RNF111: variants seen among roughly 807,000 people sequenced by gnomAD.
RNF111 encodes the protein E3 ubiquitin-protein ligase Arkadia.
Under a neutral mutation model 95.1 loss-of-function variants are expected in RNF111, and 17 were observed. The ratio of observed to expected loss-of-function variants is 0.18; its 90% CI spans 0.12 to 0.27. The LOEUF is 0.27. Ranked by LOEUF, RNF111 falls within the 10% of genes least tolerant of loss-of-function variation. The pLI, the probability that RNF111 is intolerant of heterozygous loss-of-function variation, is 1.00. For synonymous variants in RNF111, 440 were observed against 414.8 expected (o/e 1.06, Z -0.74); for missense variants, 1,189 against 1,210.4 (o/e 0.98, Z 0.26).
intron 2 of RNF111, among the ~76,000 whole-genome samples, chr15:59,042,609 C>T (rs8041221): frequency 0.43 from 64,978 of 151,902 alleles, 14,842 homozygotes; most frequent in African/African-American, 0.59. Flanking sequence ...TTTATCCTTA[C>T]GTATAATAGG....
chr15:59,005,775 C>G (rs2141484087), intron 1 of RNF111, among the ~76,000 whole-genome samples: 1 of 152,322 alleles, frequency 6.6e-6, no homozygotes, highest in South Asian at 2.1e-4. Flanking sequence ...TTTCTAAAAA[C>G]TAGCTGACTC....
At chr15:59,003,532 G>A (rs2039416003) in intron 1 of RNF111, among the ~76,000 whole-genome samples, 1 of 151,992 alleles carries the variant, frequency 6.6e-6, no homozygotes, top group African/African-American at 2.4e-5. Flanking sequence ...TCCAGTAGCT[G>A]GGACTACAGG....
At chr15:59,046,412 C>T (rs372178063) in intron 2 of RNF111, among the ~76,000 whole-genome samples, 43 of 152,158 alleles carry the variant, frequency 2.8e-4, no homozygotes, top group African/African-American at 9.2e-4. Flanking sequence ...AGGCTGGTCT[C>T]GCACTCCTGG....
intron 2 of RNF111, among the ~76,000 whole-genome samples, chr15:59,045,850 A>G (rs2141903069): frequency 6.6e-6 from 1 of 152,320 alleles, no homozygotes; most frequent in African/African-American, 2.4e-5. Context: ...CAAGAGTTGG[A>G]AAATAATTTG....
chr15:59,065,283 A>G (rs1264095048), intron 5 of RNF111, among the ~76,000 whole-genome samples: 2 of 152,186 alleles, frequency 1.3e-5, no homozygotes, highest in East Asian at 3.9e-4. Context: ...TTTCCATATA[A>G]TATTTAGTTT....
At chr15:59,042,604 C>G (rs1343303408) in intron 2 of RNF111, among the ~76,000 whole-genome samples, 1 of 152,106 alleles carries the variant, frequency 6.6e-6, no homozygotes, top group Non-Finnish European at 1.5e-5. Context: ...TGGTGTTTAT[C>G]CTTACGTATA....
intron 1 of RNF111, among the ~76,000 whole-genome samples, chr15:59,011,153 T>G (rs1483027157): frequency 6.6e-6 from 1 of 152,216 alleles, no homozygotes; most frequent in Non-Finnish European, 1.5e-5. Context: ...AACTCTGCCA[T>G]GAGAAATAGG....
intron 1 of RNF111, among the ~76,000 whole-genome samples, chr15:58,999,752 A>G (rs866679708): frequency 1.3e-5 from 2 of 152,178 alleles, no homozygotes; most frequent in African/African-American, 4.8e-5. Flanking sequence ...TGGGTAATTT[A>G]TAAAGAAAAG....
chr15:59,069,075 A>C (rs79360144), intron 6 of RNF111, among the ~76,000 whole-genome samples: 1 of 71,322 alleles, frequency 1.4e-5, no homozygotes, highest in African/African-American at 6.7e-5. Context: ...CTCCGTCTCA[A>C]AAAAAAAAAA....
At chr15:59,093,821 G>C (rs1251785551) in intron 13 of RNF111, among the ~76,000 whole-genome samples, 1 of 151,912 alleles carries the variant, frequency 6.6e-6, no homozygotes. Flanking sequence ...TCTACCATAC[G>C]ACAAATAAGG....
chr15:59,048,707 A>G (rs1453791582), intron 2 of RNF111, among the ~76,000 whole-genome samples: 1 of 152,230 alleles, frequency 6.6e-6, no homozygotes, highest in African/African-American at 2.4e-5. Context: ...AGGTTTGTAA[A>G]AAATACAGCA....
rs2079082199 is a variant in RNF111 at position 59,092,550 on chromosome 15, G to A, written c.2753G>A (p.Cys918Tyr). Residue 918 changes from cysteine to tyrosine, a missense_variant, in exon 13 of 14, where the codon TGC (cysteine) becomes TAC (tyrosine). Coordinates refer to ENST00000348370, the MANE Select transcript of RNF111 (RefSeq NM_017610.8). ...TGGTTCTCACAGAGGAAACTGCACTGCAAACAAGATGGGGAAGAAGGGACT... is the reference window on the plus strand; with the variant it reads ...TGGTTCTCACAGAGGAAACTGCACTACAAACAAGATGGGGAAGAAGGGACT... ...PHKYKKRKLH[C>Y]KQDGEEGTEE... The A allele has an allele frequency of 6.2e-7, 1 of 1,612,410 alleles. No homozygotes were observed. The highest frequency in any genetic ancestry group is 1.1e-5 in the South Asian group (1 of 90,888).
chr15:59,040,846 A>G (rs192409271), intron 2 of RNF111, among the ~76,000 whole-genome samples: 11 of 152,142 alleles, frequency 7.2e-5, no homozygotes, highest in African/African-American at 2.4e-4. Context: ...CATTTATTTC[A>G]GGGTTGGCTT....
At chr15:59,033,053 A>G (rs2040994435) in intron 2 of RNF111, among the ~76,000 whole-genome samples, 1 of 152,230 alleles carries the variant, frequency 6.6e-6, no homozygotes, top group Non-Finnish European at 1.5e-5. Context: ...TGAGCATTGA[A>G]GAGCTGTCTG....
At position 59,085,701 on chromosome 15, in the gene RNF111, A is replaced by T. The variant is rs1555401891; in HGVS notation, c.2466A>T (p.Thr822=). Residue 822 remains threonine, a synonymous_variant, in exon 10 of 14, where the codon ACA becomes ACT. Transcript: ENST00000348370. ...CTGGAGTGACTGCAGCTACTTATAC[A>T]CCTGGTGCATTGCATCCTCACTTGG... ...IEAGVTAATY[T]PGALHPHLAH... 4.7e-5 allele frequency: 76 copies of T among 1,613,586 alleles called. No individual in the cohort carries two copies. Among genetic ancestry groups the T allele is most frequent in the Non-Finnish European group, 6.4e-5 (76 of 1,179,674 alleles).
intron 4 of RNF111, among the ~76,000 whole-genome samples, chr15:59,056,623 A>G (rs118138393): frequency 3.3e-5 from 5 of 152,266 alleles, no homozygotes; most frequent in Non-Finnish European, 7.4e-5. Context: ...GGCCATATAC[A>G]ATCAGCTCTT....
At chr15:59,070,625 C>T (rs532203163) in intron 6 of RNF111, among the ~76,000 whole-genome samples, 3 of 152,294 alleles carry the variant, frequency 2.0e-5, no homozygotes, top group Admixed American at 1.3e-4. Flanking sequence ...TACAGCTCAA[C>T]AGAAGGAGAA....
rs551340655 is a variant in RNF111, at chr15:59,062,865, T to G, written c.1367-3899T>G. 5.8e-4 allele frequency among the ~76,000 whole-genome samples: 89 copies of G among 152,290 alleles called. 1 individual carries two copies. Among genetic ancestry groups the G allele is most frequent in the African/African-American group, 2.1e-3 (87 of 41,574 alleles). ...ACTTTGGGCCAGATAGTTCTTACAGTGGGAGGTGGGGAAAGGCTGTGCTTA... is the reference window on the plus strand; with the variant it reads ...ACTTTGGGCCAGATAGTTCTTACAGGGGGAGGTGGGGAAAGGCTGTGCTTA... On this transcript the variant is annotated intron_variant, in intron 5 of 13. Transcript: ENST00000348370.
At chr15:58,996,677 T>TTTC (rs1427819476) in intron 1 of RNF111, among the ~76,000 whole-genome samples, 2 of 85,496 alleles carry the variant, frequency 2.3e-5, no homozygotes, top group African/African-American at 7.4e-5. Flanking sequence ...TTTTTTTTTT[T>TTTC]TACCCAGGCA....
Sources: allele counts gnomAD v4.1 joint callset (sites outside exome capture counted in the v4.1 genomes callset), GRCh38; gene constraint gnomAD v4.1.1; transcripts MANE v1.5; gene names NCBI Gene and HGNC (gene_info 2026-07-23, HGNC 2026-07-21).